Variants in TSPAN12 observed in about 807,000 individuals in gnomAD.
TSPAN12 encodes tetraspanin-12.
In TSPAN12, 19 loss-of-function variants were observed where a neutral mutation model predicts 39.2. That is an observed-to-expected ratio of 0.49 (90% CI 0.34 to 0.71). The LOEUF is 0.71. Among genes scored for constraint, TSPAN12 ranks in the 30% least tolerant of loss-of-function variants. The probability of loss-of-function intolerance (pLI) is 0.01; values close to 1 mark genes in which losing one functional copy is unlikely to be tolerated. For missense variants in TSPAN12, 314 were observed against 359.9 expected, an observed-to-expected ratio of 0.87 and a Z score of 1.03; for synonymous variants, 119 against 124.8, an observed-to-expected ratio of 0.95 and a Z score of 0.31.
intron 7 of TSPAN12, among the ~76,000 whole-genome samples, chr7:120,793,489 C>T (rs1276586565): frequency 6.6e-6 from 1 of 152,170 alleles, no homozygotes; most frequent in Non-Finnish European, 1.5e-5. Flanking sequence ...AGTTAGACTC[C>T]TCCATTTATA....
intron 7 of TSPAN12, among the ~76,000 whole-genome samples, chr7:120,799,968 T>C (rs1793733329): frequency 6.7e-6 from 1 of 149,366 alleles, no homozygotes; most frequent in South Asian, 2.1e-4. Context: ...AAGCAAAAGT[T>C]ATTTCTATCA....
At chr7:120,819,477 A>C (rs12669167) in intron 4 of TSPAN12, among the ~76,000 whole-genome samples, 59,955 of 151,810 alleles carry the variant, frequency 0.39, 14,185 homozygotes, top group African/African-American at 0.67. Flanking sequence ...GATGCCAGTT[A>C]TCCCATACAA....
chr7:120,790,932 T>C (rs1249882311), intron 7 of TSPAN12, among the ~76,000 whole-genome samples: 1 of 152,222 alleles, frequency 6.6e-6, no homozygotes, highest in African/African-American at 2.4e-5. Flanking sequence ...AGCTGATTCC[T>C]TACCTATGTG....
chr7:120,833,484 T>G lies in TSPAN12; in HGVS notation c.285+5293A>C, dbSNP rs1276755828. Among the ~76,000 whole-genome samples the G allele has an allele frequency of 4.6e-5, 7 of 152,104 alleles. No homozygotes were observed. In the East Asian group the frequency reaches 1.4e-3, roughly 29 times the overall value. On this transcript the variant is annotated intron_variant, in intron 4 of 7. Transcript: ENST00000222747. ...ATTTGATTTCCACTAAGGAAAACAT[T>G]CAGATCTGGTTCAATCACTCTATAT...
chr7:120,839,724 A>G (rs1458565248), intron 3 of TSPAN12, among the ~76,000 whole-genome samples: 1 of 152,166 alleles, frequency 6.6e-6, no homozygotes, highest in Non-Finnish European at 1.5e-5. Context: ...CTTAGGGAAA[A>G]GTAACTATGC....
chr7:120,832,868 A>G (rs2116443793), intron 4 of TSPAN12, among the ~76,000 whole-genome samples: 1 of 152,266 alleles, frequency 6.6e-6, no homozygotes, highest in Non-Finnish European at 1.5e-5. Context: ...TAAGCATACC[A>G]AAAGACCATA....
intron 2 of TSPAN12, among the ~76,000 whole-genome samples, chr7:120,845,059 T>C (rs1245283376): frequency 6.6e-6 from 1 of 152,198 alleles, no homozygotes; most frequent in Non-Finnish European, 1.5e-5. Context: ...TAACACCACA[T>C]GGAAGCTGCC....
intron 7 of TSPAN12, among the ~76,000 whole-genome samples, chr7:120,790,714 A>G (rs1178168187): frequency 6.6e-6 from 1 of 152,232 alleles, no homozygotes; most frequent in Non-Finnish European, 1.5e-5. Context: ...ACATTAGATC[A>G]TTAGCTTCCT....
chr7:120,790,473 G>C lies in TSPAN12; in HGVS notation c.613-1576C>G, dbSNP rs116814780. On this transcript the variant is annotated intron_variant, in intron 7 of 7. Transcript: ENST00000222747. Reference sequence around the variant, plus strand: ...CAGTAGGTACAATCTCTTGTCTGATGTGTCAGTTCACAGATTAGAAAGTAG... The same window carrying C: ...CAGTAGGTACAATCTCTTGTCTGATCTGTCAGTTCACAGATTAGAAAGTAG... 9.0e-3 allele frequency among the ~76,000 whole-genome samples: 1,368 copies of C among 152,302 alleles called. 23 individuals are homozygous for C. The highest frequency in any genetic ancestry group is 0.031 in the African/African-American group (1,289 of 41,546).
intron 4 of TSPAN12, among the ~76,000 whole-genome samples, chr7:120,828,655 CTTTT>C (rs752697203): frequency 8.0e-6 from 1 of 125,496 alleles, no homozygotes; most frequent in Non-Finnish European, 1.7e-5. Context: ...TTTCTTTCTC[CTTTT>C]TTTTTTTTTT....
chr7:120,819,853 AGCT>A (rs1401729989), intron 4 of TSPAN12, among the ~76,000 whole-genome samples: 1 of 152,176 alleles, frequency 6.6e-6, no homozygotes, highest in African/African-American at 2.4e-5. Context: ...AGAATCACTC[AGCT>A]GCTATTTAGT....
At chr7:120,789,850 G>A (rs537082344) in intron 7 of TSPAN12, among the ~76,000 whole-genome samples, 15 of 152,216 alleles carry the variant, frequency 9.9e-5, no homozygotes, top group Non-Finnish European at 1.0e-4. Context: ...TGGGGGCCAC[G>A]TATGTTCAAC....
chr7:120,857,070 A>T, intron 1 of TSPAN12: 1 of 471,006 alleles, frequency 2.1e-6, no homozygotes. Flanking sequence ...AACTATCCGG[A>T]TGAATGAAGT....
In TSPAN12 at chr7:120,788,748, C is replaced by A. The variant is rs748587940; in HGVS notation, c.762G>T (p.Glu254Asp). The A allele has an allele frequency of 3.7e-6, 6 of 1,614,118 alleles. No individual in the cohort carries two copies. The East Asian group carries it at 1.3e-4, about 36-fold the overall frequency. ...AGGACATCATTTGGTCTGTCCCCGG[C>A]TCCCTTCTATCATAATACAGAGCCC... Reference protein sequence around the residue: ...LLWALYYDRREPGTDQMMSLK... With the variant: ...LLWALYYDRRDPGTDQMMSLK... The change falls in exon 8 of 8, where the codon GAG (glutamate) becomes GAT (aspartate). Residue 254 changes from glutamate (E) to aspartate (D), a missense_variant. Transcript: ENST00000222747.
chr7:120,792,295 G>A (rs1584919711), intron 7 of TSPAN12, among the ~76,000 whole-genome samples: 1 of 152,286 alleles, frequency 6.6e-6, no homozygotes, highest in East Asian at 1.9e-4. Context: ...CCACTCAGGA[G>A]GATGTCTTTA....
intron 6 of TSPAN12, 34 bp from the exon 7 acceptor site, chr7:120,806,726 C>A: frequency 1.2e-6 from 2 of 1,612,384 alleles, no homozygotes; most frequent in Non-Finnish European, 1.7e-6. Flanking sequence ...CCTCAGAAAC[C>A]ACAAAAATAT....
chr7:120,825,901 T>C (rs1341055469), intron 4 of TSPAN12, among the ~76,000 whole-genome samples: 1 of 152,158 alleles, frequency 6.6e-6, no homozygotes, highest in Non-Finnish European at 1.5e-5. Context: ...AATATCTCTC[T>C]ACAATTTTTT....
chr7:120,848,911 CA>C (rs1449784701), intron 2 of TSPAN12, among the ~76,000 whole-genome samples: 1 of 152,172 alleles, frequency 6.6e-6, no homozygotes, highest in Admixed American at 6.5e-5. Flanking sequence ...GAGACTAGGT[CA>C]ACTCAATAAC....
At chr7:120,829,947 A>G (rs1050579122) in intron 4 of TSPAN12, among the ~76,000 whole-genome samples, 1 of 152,126 alleles carries the variant, frequency 6.6e-6, no homozygotes, top group African/African-American at 2.4e-5. Context: ...AAATCCTCTC[A>G]TAAAGACCCA....
Sources: gnomAD v4.1 joint callset for allele counts (sites outside exome capture counted in the v4.1 genomes callset) on GRCh38, gnomAD v4.1.1 for gene constraint, MANE v1.5 for transcripts, NCBI Gene and HGNC (gene_info 2026-07-23, HGNC 2026-07-21) for gene names.